Variants in EML6 observed in about 807,000 individuals in gnomAD.
EML6 encodes echinoderm microtubule-associated protein-like 6.
EML6 carries 154 observed loss-of-function variants against 240.1 expected under a neutral mutation model. The ratio of observed to expected loss-of-function variants is 0.64; its 90% CI spans 0.56 to 0.73. EML6 has a LOEUF of 0.73. Ranked by LOEUF, EML6 falls within the 30% of genes least tolerant of loss-of-function variation. The pLI is 0.00. For missense variants in EML6, 2,964 were observed against 2,474.6 expected (o/e 1.20, Z -4.20); for synonymous variants, 1,148 against 899.0 (o/e 1.28, Z -4.95).
intron 2 of EML6, among the ~76,000 whole-genome samples, chr2:54,767,635 T>G (rs1668240091): frequency 7.9e-6 from 1 of 125,984 alleles, no homozygotes; most frequent in African/African-American, 2.7e-5. Flanking sequence ...TGTGTGTATG[T>G]GTGTGTGTGT....
In EML6 at chr2:54,725,380, A is replaced by G. The variant is rs572616571; in HGVS notation, c.197+122A>G. 203 of 695,304 alleles carry G rather than the reference A, an allele frequency of 2.9e-4. 1 individual carries two copies. The highest frequency in any genetic ancestry group is 3.7e-4 in the South Asian group (14 of 37,368). The allele number at this position is 695,304 out of a possible 1,614,324, so 43.1% of individuals were successfully genotyped here. On this transcript the variant is annotated intron_variant, in intron 2 of 41. Coordinates refer to ENST00000356458, the MANE Select transcript of EML6 (RefSeq NM_001039753.4). The surrounding 1 kb of genome is among the most constrained non-coding windows in gnomAD (Gnocchi z 4.3). ...AATAGAGGATTCTCTCTGGAGCCGC[A>G]TGGAATTACTGAAGGGCTGCTGATT...
chr2:54,916,245 C>G (rs954303578), intron 25 of EML6, among the ~76,000 whole-genome samples: 1 of 152,178 alleles, frequency 6.6e-6, no homozygotes, highest in African/African-American at 2.4e-5. Context: ...CTCCATTGAT[C>G]AGCCTAGGTC....
chr2:54,864,898 A>T (rs1298892977), intron 13 of EML6, among the ~76,000 whole-genome samples: 1 of 152,256 alleles, frequency 6.6e-6, no homozygotes, highest in Middle Eastern at 3.2e-3. Flanking sequence ...GTACCAAGAC[A>T]GTTTAATGGT....
At chr2:54,737,158 T>C (rs973262430) in intron 2 of EML6, among the ~76,000 whole-genome samples, 1 of 152,198 alleles carries the variant, frequency 6.6e-6, no homozygotes, top group African/African-American at 2.4e-5. Context: ...GCAATGCAGG[T>C]ATATAAGAGA....
At chr2:54,968,618 C>T (rs769142538) in intron 40 of EML6, 50 bp from the exon 41 acceptor site, 43 of 1,090,848 alleles carry the variant, frequency 3.9e-5, no homozygotes, top group Non-Finnish European at 5.6e-5. Context: ...TCTGTGGTTG[C>T]TGAGAGGAGC....
intron 28 of EML6, among the ~76,000 whole-genome samples, chr2:54,938,075 G>A (rs569820427): frequency 1.3e-5 from 2 of 152,368 alleles, no homozygotes; most frequent in African/African-American, 4.8e-5. Context: ...GCCAGGTGCT[G>A]TGGCTCACGC....
intron 2 of EML6, among the ~76,000 whole-genome samples, chr2:54,806,187 G>A (rs576631935): frequency 1.3e-5 from 2 of 152,130 alleles, no homozygotes; most frequent in South Asian, 4.2e-4. Flanking sequence ...CCTTAGGGAG[G>A]CATCTTCAGA....
chr2:54,767,824 G>A (rs1162243658), intron 2 of EML6, among the ~76,000 whole-genome samples: 2 of 151,998 alleles, frequency 1.3e-5, no homozygotes, highest in African/African-American at 2.4e-5. Flanking sequence ...TTTTTGCCAT[G>A]TTGCCCAGAC....
At chr2:54,867,144 G>C (rs956531941) in intron 14 of EML6, 3 of 277,412 alleles carry the variant, frequency 1.1e-5, no homozygotes, top group Non-Finnish European at 2.0e-5. Flanking sequence ...ATGACTTAAA[G>C]GGTGCTGCTG....
At chr2:54,863,720 A>T in intron 12 of EML6, 63 bp from the exon 13 acceptor site, 1 of 782,274 alleles carries the variant, frequency 1.3e-6, no homozygotes. Flanking sequence ...AATATTTTAG[A>T]TAATTTCAGT....
intron 14 of EML6, 195 bp from the exon 15 acceptor site, chr2:54,868,986 C>T (rs576272849): frequency 1.5e-4 from 76 of 509,046 alleles, no homozygotes; most frequent in African/African-American, 6.9e-4. Context: ...GTTCAGTGCC[C>T]ATGTGCCTTT....
At chr2:54,939,790 G>A (rs1675335320) in intron 28 of EML6, among the ~76,000 whole-genome samples, 2 of 152,184 alleles carry the variant, frequency 1.3e-5, no homozygotes, top group Admixed American at 1.3e-4. Context: ...GTCTAGGGGT[G>A]TGTCCCAAGT....
chr2:54,836,084 C>A (rs936842351), intron 7 of EML6, among the ~76,000 whole-genome samples: 6 of 152,172 alleles, frequency 3.9e-5, no homozygotes, highest in African/African-American at 1.4e-4. Context: ...CCTCACTGTT[C>A]TGCTGAGAAG....
At chr2:54,970,009 T>C in intron 41 of EML6, 62 bp from the exon 42 acceptor site, 5 of 1,535,778 alleles carry the variant, frequency 3.3e-6, no homozygotes, top group Non-Finnish European at 4.4e-6. Flanking sequence ...GATTGTTTTT[T>C]GCCACTTGAC....
At chr2:54,843,660 C>T (rs886093428) in intron 7 of EML6, among the ~76,000 whole-genome samples, 55 of 151,946 alleles carry the variant, frequency 3.6e-4, no homozygotes, top group African/African-American at 1.1e-3. Flanking sequence ...CTGGCTAACA[C>T]GGTGAAACCC....
Position 54,922,191 on chromosome 2 carries a change from T to C in EML6, c.3675+5256T>C, listed in dbSNP as rs144549297. ...TGATAAAGGGTTAATATACAAAATATATAATGAATTTTACAACTCAATAGC... is the reference window on the plus strand; with the variant it reads ...TGATAAAGGGTTAATATACAAAATACATAATGAATTTTACAACTCAATAGC... On this transcript the variant is annotated intron_variant, in intron 26 of 41. Transcript: ENST00000356458. Among the ~76,000 whole-genome samples, 165 of 152,292 alleles carry C rather than the reference T, an allele frequency of 1.1e-3. 1 individual carries two copies. The highest frequency in any genetic ancestry group is 3.9e-3 in the African/African-American group (161 of 41,562).
chr2:54,944,899 C>A (rs555517772), intron 28 of EML6, among the ~76,000 whole-genome samples: 1 of 151,988 alleles, frequency 6.6e-6, no homozygotes, highest in East Asian at 1.9e-4. Context: ...AACAGAGAGG[C>A]CCCCTGGCTT....
At chr2:54,843,580 C>G (rs968275753) in intron 7 of EML6, among the ~76,000 whole-genome samples, 1 of 152,058 alleles carries the variant, frequency 6.6e-6, no homozygotes, top group East Asian at 1.9e-4. Context: ...CGTGGTGGCT[C>G]ATGCCTGTAA....
At chr2:54,965,809 C>A (rs1676724104) in intron 38 of EML6, among the ~76,000 whole-genome samples, 1 of 152,180 alleles carries the variant, frequency 6.6e-6, no homozygotes, top group African/African-American at 2.4e-5. Context: ...CTTGTAGCCT[C>A]CAGCTACATG....
Sources: allele counts gnomAD v4.1 joint callset (sites outside exome capture counted in the v4.1 genomes callset), GRCh38; gene constraint gnomAD v4.1.1; non-coding constraint Gnocchi (gnomAD v3.1); transcripts MANE v1.5; gene names NCBI Gene and HGNC (gene_info 2026-07-23, HGNC 2026-07-21).